VPS13A: variants seen among roughly 807,000 people sequenced by gnomAD.
VPS13A encodes the protein vacuolar protein sorting 13 homolog A, also known as intermembrane lipid transfer protein VPS13A.
In VPS13A, 264 loss-of-function variants were observed where a neutral mutation model predicts 390.9. The ratio of observed to expected loss-of-function variants is 0.68; its 90% CI spans 0.61 to 0.75. The LOEUF is 0.75. Among genes scored for constraint, VPS13A ranks in the 30% least tolerant of loss-of-function variants. The pLI is 0.00. For synonymous variants in VPS13A, 1,231 were observed against 1,227.1 expected (o/e 1.00, Z -0.07); for missense variants, 3,409 against 3,733.9 (o/e 0.91, Z 2.27).
chr9:77,201,580 C>T (rs1825333332), intron 3 of VPS13A, among the ~76,000 whole-genome samples, 173 bp downstream of exon 3: 1 of 152,136 alleles, frequency 6.6e-6, no homozygotes, highest in Non-Finnish European at 1.5e-5. Context: ...TTGTCCGATA[C>T]ATATATCCCT....
chr9:77,288,505 C>T (rs1373849441), intron 31 of VPS13A, among the ~76,000 whole-genome samples: 3 of 152,144 alleles, frequency 2.0e-5, no homozygotes, highest in African/African-American at 7.2e-5. Flanking sequence ...TCTAATTTCT[C>T]TTCTGACTTT....
chr9:77,383,606 A>C (rs969698630), intron 68 of VPS13A, among the ~76,000 whole-genome samples: 1 of 152,094 alleles, frequency 6.6e-6, no homozygotes, highest in African/African-American at 2.4e-5. Flanking sequence ...TATGATACCC[A>C]CAAGGAAGCC....
At chr9:77,405,462 G>GCTT (rs1834560275) in intron 69 of VPS13A, among the ~76,000 whole-genome samples, 1 of 152,148 alleles carries the variant, frequency 6.6e-6, no homozygotes, top group African/African-American at 2.4e-5. Context: ...TGTAAGAAGT[G>GCTT]CTTCAGTTTT....
chr9:77,356,582 G>T, intron 54 of VPS13A, 132 bp from the exon 55 acceptor site: 1 of 1,001,386 alleles, frequency 1.0e-6, no homozygotes. Flanking sequence ...TTTTAAATTT[G>T]TAATATGCTC....
intron 7 of VPS13A, among the ~76,000 whole-genome samples, 153 bp from the exon 8 acceptor site, chr9:77,212,816 G>A (rs1013389952): frequency 3.3e-5 from 5 of 152,112 alleles, no homozygotes; most frequent in African/African-American, 1.2e-4. Flanking sequence ...ACACTTTACT[G>A]TGGTCAGTTA....
At chr9:77,279,094 G>C (rs537162224) in intron 26 of VPS13A, among the ~76,000 whole-genome samples, 26 of 152,322 alleles carry the variant, frequency 1.7e-4, no homozygotes, top group Admixed American at 5.2e-4. Flanking sequence ...TAATCACCTC[G>C]ATAGACCGTC....
At chr9:77,186,480 C>T (rs1271858156) in intron 1 of VPS13A, among the ~76,000 whole-genome samples, 10 of 151,896 alleles carry the variant, frequency 6.6e-5, no homozygotes, top group African/African-American at 2.2e-4. Context: ...CTGTGTTGCC[C>T]AGCCTGGAGT....
chr9:77,325,977 A>G (rs1830000061), intron 45 of VPS13A, among the ~76,000 whole-genome samples: 1 of 148,938 alleles, frequency 6.7e-6, no homozygotes, highest in African/African-American at 2.5e-5. Flanking sequence ...CTGGTGATGA[A>G]TTCTTTCAGT....
rs570639413 is a variant in VPS13A at position 77,414,162 on chromosome 9, A to G, written c.9475-1794A>G. ...GGTGGGAGTGTAAACTAGTTCAACC[A>G]TTGTGGAAGTCAGTGTGGCGATTCC... On this transcript the variant is annotated intron_variant, in intron 71 of 71. Coordinates refer to ENST00000360280, the MANE Select transcript of VPS13A (RefSeq NM_033305.3). Among the ~76,000 whole-genome samples, 18 of 152,358 alleles carry G rather than the reference A, an allele frequency of 1.2e-4. 1 individual carries two copies. In the East Asian group the frequency reaches 3.1e-3, roughly 26 times the overall value.
At chr9:77,251,492 C>T (rs1825143144) in intron 21 of VPS13A, among the ~76,000 whole-genome samples, 1 of 152,058 alleles carries the variant, frequency 6.6e-6, no homozygotes, top group South Asian at 2.1e-4. Flanking sequence ...GTTGCACATC[C>T]TTTTAGTATG....
At chr9:77,237,109 C>T (rs776054973) in intron 17 of VPS13A, among the ~76,000 whole-genome samples, 4 of 152,014 alleles carry the variant, frequency 2.6e-5, no homozygotes, top group South Asian at 4.2e-4. Context: ...AGGATGGTCT[C>T]GATCTCTTGA....
At chr9:77,410,481 A>G (rs961413229) in intron 71 of VPS13A, among the ~76,000 whole-genome samples, 5 of 152,188 alleles carry the variant, frequency 3.3e-5, no homozygotes, top group African/African-American at 1.2e-4. Flanking sequence ...AAATATTCCA[A>G]TTAAAAGACA....
At chr9:77,318,164 A>G (rs1436871846) in intron 40 of VPS13A, 71 bp from the exon 41 acceptor site, 2 of 783,790 alleles carry the variant, frequency 2.6e-6, no homozygotes, top group Non-Finnish European at 4.0e-6. Context: ...CTCATAATAT[A>G]TATTTAATAT....
chr9:77,377,209 T>G (rs1303149922), intron 67 of VPS13A, among the ~76,000 whole-genome samples: 21 of 105,950 alleles, frequency 2.0e-4, no homozygotes, highest in Non-Finnish European at 1.6e-4. Flanking sequence ...TGCTGTTTTT[T>G]TTTTTTTTTT....
chr9:77,340,437 A>G lies in VPS13A; in HGVS notation c.6913A>G (p.Ile2305Val). 1 of 1,613,522 alleles carries G rather than the reference A, an allele frequency of 6.2e-7. No individual in the cohort carries two copies. The highest frequency in any genetic ancestry group is 8.5e-7 in the Non-Finnish European group (1 of 1,179,678). Reference protein sequence around the residue: ...GVTIDLSSFNITRIVTFTPFY... With the variant: ...GVTIDLSSFNVTRIVTFTPFY... ...CACTATAGACCTGAGCAGTTTTAAC[A>G]TTACTAGAATTGTGACATTTACCCC... Residue 2305 changes from isoleucine (I) to valine (V), a missense_variant, in exon 50 of 72, where the codon ATT becomes GTT. Coordinates refer to ENST00000360280, the MANE Select transcript of VPS13A (RefSeq NM_033305.3).
At chr9:77,311,704 T>C (rs563326025) in intron 35 of VPS13A, among the ~76,000 whole-genome samples, 2 of 152,270 alleles carry the variant, frequency 1.3e-5, no homozygotes, top group South Asian at 4.1e-4. Flanking sequence ...ATATAGAAGA[T>C]TTGAACACAG....
At chr9:77,252,724 T>C (rs1587423477) in intron 22 of VPS13A, among the ~76,000 whole-genome samples, 1 of 152,206 alleles carries the variant, frequency 6.6e-6, no homozygotes, top group Non-Finnish European at 1.5e-5. Context: ...GTGCCTCATA[T>C]AAGTGGAATC....
chr9:77,386,703 T>TA (rs1833700501), intron 68 of VPS13A, among the ~76,000 whole-genome samples: 2 of 151,496 alleles, frequency 1.3e-5, no homozygotes, highest in South Asian at 4.2e-4. Context: ...CTCTTTATTT[T>TA]TTTTTTTTAA....
intron 23 of VPS13A, among the ~76,000 whole-genome samples, chr9:77,265,856 T>G (rs1476903828): frequency 6.6e-6 from 1 of 152,222 alleles, no homozygotes; most frequent in Non-Finnish European, 1.5e-5. Flanking sequence ...TGTTTCCTCT[T>G]GCTCTTGCTT....
Sources: allele counts gnomAD v4.1 joint callset (sites outside exome capture counted in the v4.1 genomes callset), GRCh38; gene constraint gnomAD v4.1.1; transcripts MANE v1.5; gene names NCBI Gene and HGNC (gene_info 2026-07-23, HGNC 2026-07-21).